VAV3: variants seen among roughly 807,000 people sequenced by gnomAD.
VAV3 encodes vav guanine nucleotide exchange factor 3.
Under a neutral mutation model 131.2 loss-of-function variants are expected in VAV3, and 94 were observed. The observed-to-expected ratio is 0.72, with a 90% confidence interval of 0.61 to 0.85. The LOEUF (loss-of-function observed/expected upper bound fraction) is 0.85. VAV3 is among the 40% of genes least tolerant of loss of function. The probability of loss-of-function intolerance (pLI) is 0.00; values close to 1 mark genes in which losing one functional copy is unlikely to be tolerated. For missense variants in VAV3, 939 were observed against 1,002.7 expected (o/e 0.94, Z 0.86); for synonymous variants, 349 against 342.0 (o/e 1.02, Z -0.22).
intron 19 of VAV3, among the ~76,000 whole-genome samples, chr1:107,649,568 T>A (rs539656362): frequency 6.6e-6 from 1 of 152,078 alleles, no homozygotes; most frequent in Non-Finnish European, 1.5e-5. Context: ...TGGCTTTTTT[T>A]TTGTTGTTGT....
At chr1:107,695,960 T>C (rs1281178880) in intron 17 of VAV3, among the ~76,000 whole-genome samples, 1 of 152,180 alleles carries the variant, frequency 6.6e-6, no homozygotes, top group Non-Finnish European at 1.5e-5. Flanking sequence ...TGACTATCCC[T>C]TTCTATAAAC....
chr1:107,953,197 A>G (rs1674641228), intron 1 of VAV3, among the ~76,000 whole-genome samples: 1 of 152,146 alleles, frequency 6.6e-6, no homozygotes, highest in South Asian at 2.1e-4. Flanking sequence ...ACCTTGAGAA[A>G]AGCCCTTTAG....
At chr1:107,953,661 C>A (rs1489143425) in intron 1 of VAV3, among the ~76,000 whole-genome samples, 2 of 152,196 alleles carry the variant, frequency 1.3e-5, no homozygotes, top group Non-Finnish European at 2.9e-5. Flanking sequence ...AGAGACAGAT[C>A]TGGGACTAGA....
rs751048691 is a variant in VAV3, at chr1:107,906,823, AG to A, written c.205-31807del. ...CAGGGTGAGAAGGAAGAAGGAAAGA[AG>A]GAAGTGTAAAATGAAAGAGGTAAAG... is the stretch of plus-strand genomic sequence containing the variant. On this transcript the variant is annotated intron_variant, in intron 1 of 26. Coordinates refer to ENST00000370056, the MANE Select transcript of VAV3 (RefSeq NM_006113.5). 1.6e-3 allele frequency among the ~76,000 whole-genome samples: 242 copies of A among 152,338 alleles called. 2 individuals carry two copies. The Middle Eastern group carries it at 0.027, about 17-fold the overall frequency.
At chr1:107,899,821 G>A (rs1046561573) in intron 1 of VAV3, among the ~76,000 whole-genome samples, 11 of 152,266 alleles carry the variant, frequency 7.2e-5, no homozygotes, top group Non-Finnish European at 1.0e-4. Context: ...AAGCAGATCA[G>A]AAGTCTTACT....
Position 107,749,093 on chromosome 1 carries a change from T to C in VAV3, c.1393-16A>G. On this transcript the variant is annotated splice_polypyrimidine_tract_variant and intron_variant, in intron 14 of 26. Transcript: ENST00000370056. ...CATAAGACCACTGTTAAAATTAATA[T>C]TCCTTAGATTAATATGTATCATTAA... 1 of 1,500,072 alleles carries C rather than the reference T, an allele frequency of 6.7e-7. No homozygotes were observed. Among genetic ancestry groups the C allele is most frequent in the Non-Finnish European group, 9.2e-7 (1 of 1,088,936 alleles). 92.9% of individuals were successfully genotyped at this position (1,500,072 alleles called of 1,614,324 possible).
At chr1:107,728,536 ATTCT>A (rs1271688422) in intron 15 of VAV3, among the ~76,000 whole-genome samples, 2 of 151,264 alleles carry the variant, frequency 1.3e-5, no homozygotes, top group Non-Finnish European at 2.9e-5. Flanking sequence ...CCAATCGGGG[ATTCT>A]TTCTATTACA....
chr1:107,770,490 T>G, intron 6 of VAV3, 146 bp downstream of exon 6: 1 of 622,986 alleles, frequency 1.6e-6, no homozygotes, highest in Non-Finnish European at 2.8e-6. Flanking sequence ...AGTTGTAAAA[T>G]GAATAAATCT....
chr1:107,805,779 T>G (rs1297565100), intron 2 of VAV3, among the ~76,000 whole-genome samples: 1 of 152,146 alleles, frequency 6.6e-6, no homozygotes, highest in East Asian at 1.9e-4. Context: ...TGTTTTTTGT[T>G]GGGTATGTTT....
At chr1:107,832,160 T>C (rs1007512994) in intron 2 of VAV3, among the ~76,000 whole-genome samples, 1 of 152,222 alleles carries the variant, frequency 6.6e-6, no homozygotes. Flanking sequence ...GGGACTGATC[T>C]GGTTATAAGA....
chr1:107,629,955 A>G (rs981727173), intron 20 of VAV3, among the ~76,000 whole-genome samples: 3 of 152,168 alleles, frequency 2.0e-5, no homozygotes, highest in Non-Finnish European at 4.4e-5. Context: ...CAACTTGCAA[A>G]AACAGAGAAA....
intron 15 of VAV3, among the ~76,000 whole-genome samples, chr1:107,744,348 C>A (rs553692172): frequency 2.2e-4 from 34 of 152,272 alleles, no homozygotes; most frequent in African/African-American, 8.2e-4. Context: ...CTTAGATATT[C>A]ACAGTAGTGA....
chr1:107,665,237 A>AG (rs1312259702), intron 19 of VAV3, among the ~76,000 whole-genome samples: 1 of 152,092 alleles, frequency 6.6e-6, no homozygotes, highest in Non-Finnish European at 1.5e-5. Flanking sequence ...GTGTAGAAGA[A>AG]GGGTTAGATT....
intron 19 of VAV3, among the ~76,000 whole-genome samples, chr1:107,649,050 G>C (rs180760475): frequency 1.3e-5 from 2 of 151,754 alleles, no homozygotes; most frequent in Non-Finnish European, 2.9e-5. Flanking sequence ...AGCCTCAAAA[G>C]CCCTCAAAAA....
intron 2 of VAV3, among the ~76,000 whole-genome samples, chr1:107,816,476 C>T (rs1667566397): frequency 6.6e-6 from 1 of 152,144 alleles, no homozygotes; most frequent in Non-Finnish European, 1.5e-5. Context: ...CTTATACAGT[C>T]TTGAGCAGTC....
rs1400968516 is a variant in VAV3 at position 107,610,096 on chromosome 1, T to C, written c.1981-131A>G. 4 of 682,196 alleles carry C rather than the reference T, an allele frequency of 5.9e-6. No individual in the cohort carries two copies. The East Asian group carries it at 1.0e-4, about 18-fold the overall frequency. The allele number at this position is 682,196 out of a possible 1,614,324, so 42.3% of individuals were successfully genotyped here. On this transcript the variant is annotated intron_variant, in intron 21 of 26. Coordinates refer to ENST00000370056, the MANE Select transcript of VAV3 (RefSeq NM_006113.5). Reference sequence around the variant, plus strand: ...GCACAGTCCTGGAACTATCCATTGGTAATTTTATACAGAGTGAATCATAGT... The same window carrying C: ...GCACAGTCCTGGAACTATCCATTGGCAATTTTATACAGAGTGAATCATAGT...
At chr1:107,592,402 C>T (rs1651040290) in intron 25 of VAV3, among the ~76,000 whole-genome samples, 1 of 152,044 alleles carries the variant, frequency 6.6e-6, no homozygotes, top group African/African-American at 2.4e-5. Flanking sequence ...ACTTCAATCA[C>T]TTGGTTATTA....
chr1:107,960,293 C>A (rs1377464938), intron 1 of VAV3, among the ~76,000 whole-genome samples: 1 of 152,032 alleles, frequency 6.6e-6, no homozygotes, highest in Non-Finnish European at 1.5e-5. Context: ...CATGGTGAAA[C>A]CCCCTCTACT....
intron 19 of VAV3, among the ~76,000 whole-genome samples, chr1:107,664,201 CTTT>C (rs1175594139): frequency 6.6e-6 from 1 of 152,072 alleles, no homozygotes; most frequent in Admixed American, 6.6e-5. Context: ...TTTTCTTCAA[CTTT>C]TAAGTTCCAG....
Sources: gnomAD v4.1 joint callset for allele counts (sites outside exome capture counted in the v4.1 genomes callset) on GRCh38, gnomAD v4.1.1 for gene constraint, MANE v1.5 for transcripts, NCBI Gene and HGNC (gene_info 2026-07-23, HGNC 2026-07-21) for gene names.